Variants in PHAF1 observed in about 807,000 individuals in gnomAD.
The protein encoded by PHAF1 is phagophore assembly factor 1.
In PHAF1, 23 loss-of-function variants were observed where a neutral mutation model predicts 63.1. The observed-to-expected ratio is 0.36, with a 90% CI of 0.26 to 0.52. PHAF1 has a LOEUF of 0.52. Among genes scored for constraint, PHAF1 ranks in the 20% least tolerant of loss-of-function variants. The pLI is 0.93. For synonymous variants in PHAF1, 167 were observed against 185.0 expected, an observed-to-expected ratio of 0.90 and a Z score of 0.79; for missense variants, 427 against 517.2, an observed-to-expected ratio of 0.83 and a Z score of 1.69.
chr16:67,134,323 C>G, intron 7 of PHAF1, 32 bp from the exon 8 acceptor site: 1 of 1,607,476 alleles, frequency 6.2e-7, no homozygotes, highest in Non-Finnish European at 8.5e-7. Context: ...GAGAAAGAAC[C>G]AAGCCTCTGC....
intron 8 of PHAF1, among the ~76,000 whole-genome samples, chr16:67,136,467 A>AG (rs920816438): frequency 4.0e-5 from 6 of 149,066 alleles, no homozygotes; most frequent in African/African-American, 1.5e-4. Context: ...TCCCATAAAG[A>AG]GAGCTGAGAA....
At chr16:67,130,278 AC>A (rs1471875698) in intron 3 of PHAF1, among the ~76,000 whole-genome samples, 2 of 147,748 alleles carry the variant, frequency 1.4e-5, no homozygotes, top group African/African-American at 2.5e-5. Flanking sequence ...CAATCTCCTG[AC>A]CTTGTGATCC....
At chr16:67,143,074 G>A (rs974913907) in intron 10 of PHAF1, among the ~76,000 whole-genome samples, 2 of 152,156 alleles carry the variant, frequency 1.3e-5, no homozygotes, top group African/African-American at 4.8e-5. Flanking sequence ...GGGGATAGGA[G>A]GGAAGTGTTC....
At position 67,121,264 on chromosome 16, in the gene PHAF1, A is replaced by ACTGCAGG. The variant is rs1235799828; in HGVS notation, c.147+1073_147+1079dup. Among the ~76,000 whole-genome samples the ACTGCAGG allele has an allele frequency of 2.0e-5, 3 of 146,840 alleles. No homozygotes were observed. In the Admixed American group the frequency reaches 2.1e-4, roughly 10 times the overall value. On this transcript the variant is annotated intron_variant, in intron 2 of 15. Transcript: ENST00000219139. ...GAGTGCAGTGGCACAATCTCGGCTCACTGCAGGCTCCGCCTCCTGGGTTCA... is the reference window on the plus strand; with the variant it reads ...GAGTGCAGTGGCACAATCTCGGCTCACTGCAGGCTGCAGGCTCCGCCTCCTGGGTTCA...
chr16:67,140,383 T>C, intron 9 of PHAF1, 128 bp from the exon 10 acceptor site: 1 of 906,722 alleles, frequency 1.1e-6, no homozygotes, highest in Non-Finnish European at 1.7e-6. Flanking sequence ...CACCAGCAGC[T>C]GAGACTCCCC....
intron 1 of PHAF1, among the ~76,000 whole-genome samples, chr16:67,110,751 G>C (rs1011375792): frequency 1.1e-4 from 16 of 152,146 alleles, no homozygotes; most frequent in African/African-American, 3.9e-4. Context: ...CAGATGTTGG[G>C]GCTCTGGTCA....
In PHAF1 at chr16:67,132,800, T is replaced by C. The variant is rs1963456553; in HGVS notation, c.356-17T>C. 6.3e-7 allele frequency: 1 copy of C among 1,587,692 alleles called. No homozygotes were observed. Among genetic ancestry groups the C allele is most frequent in the Non-Finnish European group, 8.6e-7 (1 of 1,156,130 alleles). On this transcript the variant is annotated splice_polypyrimidine_tract_variant and intron_variant, in intron 5 of 15. Transcript: ENST00000219139. The stretch of plus-strand genomic sequence containing the variant: ...GCCAGTCAACCATGTTATTTTCTTC[T>C]CCCCCACCCCCAACAGTGTACAACT...
chr16:67,121,540 C>T (rs1339258163), intron 2 of PHAF1, among the ~76,000 whole-genome samples: 3 of 151,374 alleles, frequency 2.0e-5, no homozygotes, highest in Admixed American at 6.6e-5. Context: ...CATGGATTAT[C>T]AGTGCCAAAG....
intron 15 of PHAF1, among the ~76,000 whole-genome samples, 183 bp downstream of exon 15, chr16:67,146,533 T>C (rs1339109882): frequency 1.3e-5 from 2 of 152,164 alleles, no homozygotes; most frequent in African/African-American, 4.8e-5. Flanking sequence ...GGTTCAGAAA[T>C]GATGTTGAGA....
chr16:67,112,601 G>T (rs2145810899), intron 1 of PHAF1, among the ~76,000 whole-genome samples: 1 of 152,080 alleles, frequency 6.6e-6, no homozygotes, highest in East Asian at 1.9e-4. Context: ...AGAAAACTGA[G>T]TGAGAGAGCA....
intron 11 of PHAF1, 43 bp downstream of exon 11, chr16:67,144,419 T>G (rs879049795): frequency 6.9e-7 from 1 of 1,451,058 alleles, no homozygotes; most frequent in Non-Finnish European, 9.7e-7. Flanking sequence ...AAGTGAGTTT[T>G]GGGCTGAAAA....
chr16:67,124,727 C>T (rs1184636009), intron 2 of PHAF1, among the ~76,000 whole-genome samples: 8 of 152,074 alleles, frequency 5.3e-5, no homozygotes, highest in African/African-American at 1.7e-4. Flanking sequence ...CACGGTGAAA[C>T]CCCATCTGTA....
rs2029917636 is a variant in PHAF1 at position 67,145,020 on chromosome 16, TG to T, written c.1006+148del. 5.6e-6 allele frequency: 6 copies of T among 1,075,080 alleles called. No homozygotes were observed. In the Admixed American group the frequency reaches 1.1e-4, roughly 20 times the overall value. 66.6% of individuals were successfully genotyped at this position (1,075,080 alleles called of 1,614,324 possible). On this transcript the variant is annotated intron_variant, in intron 12 of 15. Coordinates refer to ENST00000219139, the MANE Select transcript of PHAF1 (RefSeq NM_025187.5). ...TTCCTCTGGGGTGGGCTCATTGTTCTGGGGGCTGCAGTGTTCTTGGTCTGAG... is the reference window on the plus strand; with the variant it reads ...TTCCTCTGGGGTGGGCTCATTGTTCTGGGGCTGCAGTGTTCTTGGTCTGAG...
At chr16:67,132,550 C>G in intron 5 of PHAF1, 25 bp downstream of exon 5, 2 of 1,606,168 alleles carry the variant, frequency 1.2e-6, no homozygotes, top group Non-Finnish European at 1.7e-6. Flanking sequence ...TCTGATTCCT[C>G]TGGTCATCAG....
rs1963751619 is a variant in PHAF1 at position 67,140,075 on chromosome 16, G to T, written c.753G>T (p.Met251Ile). The change falls in exon 9 of 16, where the codon ATG becomes ATT. Residue 251 changes from methionine to isoleucine, a missense_variant. Physicochemically the swap from Met to Ile is conservative, Grantham distance 10 (BLOSUM62 1). Coordinates refer to ENST00000219139, the MANE Select transcript of PHAF1 (RefSeq NM_025187.5). ...ATTCCTGCCAAGATGTTCTTAGCAT[G>T]CTTGGCTCTCCACACAAAGTCTTCT... ...FGDSCQDVLSMLGSPHKVFYK... is the reference protein window; with the variant it reads ...FGDSCQDVLSILGSPHKVFYK... 6.2e-7 allele frequency: 1 copy of T among 1,614,094 alleles called. No homozygotes were observed. Among genetic ancestry groups the T allele is most frequent in the East Asian group, 2.2e-5 (1 of 44,882 alleles).
chr16:67,139,499 C>T (rs1302796454), intron 8 of PHAF1: 1 of 159,508 alleles, frequency 6.3e-6, no homozygotes, highest in African/African-American at 2.4e-5. Context: ...CAGACACCCA[C>T]CACCATGCCC....
At chr16:67,125,054 G>A (rs990598210) in intron 2 of PHAF1, among the ~76,000 whole-genome samples, 1 of 152,136 alleles carries the variant, frequency 6.6e-6, no homozygotes, top group African/African-American at 2.4e-5. Context: ...TAATTGCATT[G>A]GACCAGAAGC....
In PHAF1 at chr16:67,110,120, T is replaced by C; in HGVS notation, c.-56T>C. 13 of 1,540,652 alleles carry C rather than the reference T, an allele frequency of 8.4e-6. No homozygotes were observed. The highest frequency in any genetic ancestry group is 1.1e-5 in the Non-Finnish European group (12 of 1,139,494). ...TCAGCCGCTGCTTTGTCTCCTTAGC[T>C]CGGGTCCCTTCTGCGCTGCCGCAGG... On this transcript the variant is annotated 5_prime_UTR_variant, in exon 1 of 16. Transcript: ENST00000219139.
chr16:67,121,680 A>G (rs904176843), intron 2 of PHAF1, among the ~76,000 whole-genome samples: 1 of 145,132 alleles, frequency 6.9e-6, no homozygotes, highest in African/African-American at 2.6e-5. Flanking sequence ...TCCCGAGTTC[A>G]AGCGATTCTC....
Sources: allele counts gnomAD v4.1 joint callset (sites outside exome capture counted in the v4.1 genomes callset), GRCh38; gene constraint gnomAD v4.1.1; transcripts MANE v1.5; gene names NCBI Gene and HGNC (gene_info 2026-07-23, HGNC 2026-07-21).